MDGA1: variants seen among roughly 807,000 people sequenced by gnomAD.
The protein encoded by MDGA1 is MAM domain-containing glycosylphosphatidylinositol anchor protein 1.
In MDGA1, 54 loss-of-function variants were observed where a neutral mutation model predicts 101.5. The ratio of observed to expected loss-of-function variants is 0.53; its 90% CI spans 0.43 to 0.67. The LOEUF is 0.67. Ranked by LOEUF, MDGA1 falls within the 30% of genes least tolerant of loss-of-function variation. The pLI is 0.00. For missense variants in MDGA1, 1,083 were observed against 1,323.8 expected (o/e 0.82, Z 2.82); for synonymous variants, 533 against 558.3 (o/e 0.95, Z 0.64).
At chr6:37,648,292 T>G (rs1761260853) in intron 9 of MDGA1, 1 of 152,442 alleles carries the variant, frequency 6.6e-6, no homozygotes, top group Non-Finnish European at 1.5e-5. Context: ...GAGGGGCGTC[T>G]TCTCTCCCCT....
At position 37,658,352 on chromosome 6, in the gene MDGA1, G is replaced by A. The variant is rs575680310; in HGVS notation, c.275C>T (p.Thr92Met). 12 of 1,613,156 alleles carry A rather than the reference G, an allele frequency of 7.4e-6. No homozygotes were observed. Among genetic ancestry groups the A allele is most frequent in the East Asian group, 6.7e-5 (3 of 44,872 alleles). Residue 92 changes from threonine (T) to methionine (M), a missense_variant, in exon 3 of 17, where the codon ACG (threonine) becomes ATG (methionine). Coordinates refer to ENST00000434837, the MANE Select transcript of MDGA1 (RefSeq NM_153487.4). ...GCGTGCAATACGCTCGATGCGCAGC[G>A]TCTCGTTGAACACCGATGTCTCCTG... ...KFQETSVFNE[T>M]LRIERIARTQ...
intron 13 of MDGA1, 70 bp from the exon 14 acceptor site, chr6:37,644,013 C>T: frequency 6.4e-7 from 1 of 1,573,684 alleles, no homozygotes; most frequent in Non-Finnish European, 8.6e-7. Flanking sequence ...GATTCCCTCT[C>T]TGCCTAGGCC....
chr6:37,671,938 C>A, intron 1 of MDGA1, among the ~76,000 whole-genome samples: 1 of 152,040 alleles, frequency 6.6e-6, no homozygotes, highest in South Asian at 2.1e-4. Flanking sequence ...CTCAGGAGTT[C>A]GAGACCAGCC....
rs1299609811 is a variant in MDGA1, at chr6:37,631,570, G to C, written c.*5798C>G. On this transcript the variant is annotated 3_prime_UTR_variant, in exon 17 of 17. Coordinates refer to ENST00000434837, the MANE Select transcript of MDGA1 (RefSeq NM_153487.4). ...CCAAGTAACCTGAAAGACACTTCCT[G>C]TCATTTGCCTGATATGATGTAGTCC... 2 of 152,158 alleles carry C rather than the reference G, an allele frequency of 1.3e-5. No homozygotes were observed. The highest frequency in any genetic ancestry group is 2.4e-5 in the African/African-American group (1 of 41,426). 9.4% of individuals were successfully genotyped at this position (152,158 alleles called of 1,614,324 possible).
Position 37,638,512 on chromosome 6 carries a change from G to A in MDGA1, c.2667+25C>T. 1 of 1,612,492 alleles carries A rather than the reference G, an allele frequency of 6.2e-7. No homozygotes were observed. Among genetic ancestry groups the A allele is most frequent in the Non-Finnish European group, 8.5e-7 (1 of 1,178,974 alleles). Reference sequence around the variant, plus strand: ...CACAGCAACCACCGAAGCCGGGGAGGGTCCTCTGGGCCCTACGGACTCACC... The same window carrying A: ...CACAGCAACCACCGAAGCCGGGGAGAGTCCTCTGGGCCCTACGGACTCACC... On this transcript the variant is annotated intron_variant, in intron 15 of 16. Coordinates refer to ENST00000434837, the MANE Select transcript of MDGA1 (RefSeq NM_153487.4). This position sits in a 1 kb window ranked among gnomAD's most constrained non-coding sequence, Gnocchi z 4.8.
At chr6:37,660,867 C>A (rs1252239554) in intron 2 of MDGA1, among the ~76,000 whole-genome samples, 2 of 152,134 alleles carry the variant, frequency 1.3e-5, no homozygotes, top group African/African-American at 4.8e-5. Context: ...CTTTTATGGT[C>A]CTGTTTCTCA....
At chr6:37,643,031 C>T (rs1257100474) in intron 14 of MDGA1, among the ~76,000 whole-genome samples, 3 of 152,206 alleles carry the variant, frequency 2.0e-5, no homozygotes, top group African/African-American at 2.4e-5. Flanking sequence ...AGCACCCTTC[C>T]GATCTCATGT....
At chr6:37,667,979 G>A (rs530275389) in intron 1 of MDGA1, among the ~76,000 whole-genome samples, 4 of 152,310 alleles carry the variant, frequency 2.6e-5, no homozygotes, top group African/African-American at 9.6e-5. Context: ...CTGGCCAGGT[G>A]TGGTGACTCA....
Position 37,655,997 on chromosome 6 carries a change from A to G in MDGA1, c.383-101T>C, listed in dbSNP as rs1017860300. ...TAGGAAGAGCTGAGCCACCCTCAAC[A>G]GACATTTCCAGATTGCCAGATGCCC... On this transcript the variant is annotated intron_variant, in intron 3 of 16. Transcript: ENST00000434837. This position sits in a 1 kb window ranked among gnomAD's most constrained non-coding sequence, Gnocchi z 5.1. The G allele has an allele frequency of 2.4e-5, 23 of 961,428 alleles. No individual in the cohort carries two copies. The highest frequency in any genetic ancestry group is 3.5e-5 in the Non-Finnish European group (23 of 660,826). 59.6% of individuals were successfully genotyped at this position (961,428 alleles called of 1,614,324 possible).
chr6:37,696,100 G>C lies in MDGA1; in HGVS notation c.67+645C>G, dbSNP rs1030462270. 6.6e-6 allele frequency among the ~76,000 whole-genome samples: 1 copy of C among 152,208 alleles called. No homozygotes were observed. The highest frequency in any genetic ancestry group is 6.5e-5 in the Admixed American group (1 of 15,284). ...CTGGGGATGGTGGCTGAATGTATCTGTGTGTGCGCGCAGGAAGGAAGGTGG... is the reference window on the plus strand; with the variant it reads ...CTGGGGATGGTGGCTGAATGTATCTCTGTGTGCGCGCAGGAAGGAAGGTGG... On this transcript the variant is annotated intron_variant, in intron 1 of 16. Coordinates refer to ENST00000434837, the MANE Select transcript of MDGA1 (RefSeq NM_153487.4). This position sits in a 1 kb window ranked among gnomAD's most constrained non-coding sequence, Gnocchi z 5.6.
chr6:37,646,115 C>T, intron 11 of MDGA1, 83 bp downstream of exon 11: 1 of 1,557,126 alleles, frequency 6.4e-7, no homozygotes, highest in South Asian at 1.2e-5. Context: ...GAACCCCAAG[C>T]TTAGGAACCA....
At chr6:37,666,003 C>T (rs1028020307) in intron 1 of MDGA1, among the ~76,000 whole-genome samples, 3 of 152,148 alleles carry the variant, frequency 2.0e-5, no homozygotes, top group African/African-American at 7.2e-5. Flanking sequence ...AGAGGCTACA[C>T]TTCCCAGCCT....
chr6:37,655,103 T>C lies in MDGA1; in HGVS notation c.580-171A>G, dbSNP rs1356920128. ...CCAGGGGTCCTGAGCCTGGGGTGGA[T>C]GCTACACTCTCCATAGCCTTGGCAG... On this transcript the variant is annotated intron_variant, in intron 4 of 16. Transcript: ENST00000434837. This position sits in a 1 kb window ranked among gnomAD's most constrained non-coding sequence, Gnocchi z 5.1. The C allele has an allele frequency of 1.3e-6, 1 of 744,512 alleles. No homozygotes were observed. The allele number at this position is 744,512 out of a possible 1,614,324, so 46.1% of individuals were successfully genotyped here.
At chr6:37,649,369 C>T in intron 8 of MDGA1, 103 bp from the exon 9 acceptor site, 1 of 1,387,998 alleles carries the variant, frequency 7.2e-7, no homozygotes, top group East Asian at 2.9e-5. Flanking sequence ...CCGTGAGCCC[C>T]CGCCAGGAAA....
intron 1 of MDGA1, among the ~76,000 whole-genome samples, chr6:37,666,249 A>G (rs1188892638): frequency 6.6e-6 from 1 of 151,146 alleles, no homozygotes; most frequent in African/African-American, 2.4e-5. Flanking sequence ...AATCCCAGCT[A>G]CTCAGGAAGC....
At chr6:37,664,847 A>G (rs1173330186) in intron 1 of MDGA1, among the ~76,000 whole-genome samples, 1 of 65,146 alleles carries the variant, frequency 1.5e-5, no homozygotes, top group African/African-American at 7.0e-5. Flanking sequence ...CCTAAGACAC[A>G]CACACACACA....
intron 1 of MDGA1, among the ~76,000 whole-genome samples, chr6:37,676,059 C>A (rs893648768): frequency 5.4e-4 from 83 of 152,334 alleles, no homozygotes; most frequent in African/African-American, 1.9e-3. Flanking sequence ...ATGGAATGCC[C>A]TGCGCATAGT....
Position 37,696,686 on chromosome 6 carries a change from C to T in MDGA1, c.67+59G>A, listed in dbSNP as rs377165346. On this transcript the variant is annotated intron_variant, in intron 1 of 16. Transcript: ENST00000434837. The surrounding 1 kb of genome is among the most constrained non-coding windows in gnomAD (Gnocchi z 5.6). ...AAACCCCGGCAGCGCGCACTTTGCG[C>T]CTCTTGCAAAGTTTCCGCGCGAGGT... 6.7e-7 allele frequency: 1 copy of T among 1,499,094 alleles called. No individual in the cohort carries two copies. Among genetic ancestry groups the T allele is most frequent in the Non-Finnish European group, 9.1e-7 (1 of 1,098,744 alleles). The allele number at this position is 1,499,094 out of a possible 1,614,324, so 92.9% of individuals were successfully genotyped here. A position where few individuals can be genotyped will look rare whatever the true frequency, so the allele number is the denominator to read the frequency against.
intron 8 of MDGA1, chr6:37,649,870 A>ATTT: frequency 2.2e-5 from 14 of 635,352 alleles, no homozygotes; most frequent in Admixed American, 6.6e-5. Context: ...AAATCAAGTA[A>ATTT]TTTTTTTTTT....
Sources: allele counts gnomAD v4.1 joint callset (sites outside exome capture counted in the v4.1 genomes callset), GRCh38; gene constraint gnomAD v4.1.1; non-coding constraint Gnocchi (gnomAD v3.1); transcripts MANE v1.5; gene names NCBI Gene and HGNC (gene_info 2026-07-23, HGNC 2026-07-21).